The following SF3A1 variants were observed in gnomAD, a reference collection of about 807,000 sequenced individuals.
SF3A1 encodes the protein splicing factor 3a subunit 1, also known as SAP 114.
A neutral mutation model predicts 89.9 loss-of-function variants in SF3A1; 13 were observed. The ratio of observed to expected loss-of-function variants is 0.14; its 90% CI spans 0.09 to 0.23. SF3A1 has a LOEUF of 0.23. Among genes scored for constraint, SF3A1 ranks in the 10% least tolerant of loss-of-function variants. The probability of loss-of-function intolerance (pLI) is 1.00; values close to 1 mark genes in which losing one functional copy is unlikely to be tolerated. For missense variants in SF3A1, 604 were observed against 1,022.1 expected, an observed-to-expected ratio of 0.59 and a Z score of 5.58; for synonymous variants, 405 against 374.4, an observed-to-expected ratio of 1.08 and a Z score of -0.94.
chr22:30,335,727 C>A lies in SF3A1; in HGVS notation c.2133G>T (p.Val711=), dbSNP rs965043762. Residue 711 remains valine (V), a synonymous_variant, in exon 14 of 16, where the codon GTG becomes GTT. Coordinates refer to ENST00000215793, the MANE Select transcript of SF3A1 (RefSeq NM_005877.6). Reference sequence around the variant, plus strand: ...ATTCCGTCTTATCCTGCATGTTGGGCACCTGGACTTTGATGGACACTGGAC... The same window carrying A: ...ATTCCGTCTTATCCTGCATGTTGGGAACCTGGACTTTGATGGACACTGGAC... ...NKGPVSIKVQ[V]PNMQDKTEWK... 5 of 1,614,198 alleles carry A rather than the reference C, an allele frequency of 3.1e-6. No individual in the cohort carries two copies. The highest frequency in any genetic ancestry group is 3.4e-6 in the Non-Finnish European group (4 of 1,180,036).
chr22:30,355,290 C>T (rs552954969), intron 1 of SF3A1, among the ~76,000 whole-genome samples: 59 of 152,282 alleles, frequency 3.9e-4, no homozygotes, highest in African/African-American at 9.9e-4. Context: ...GAATTACAGG[C>T]GTGAGCCACT....
chr22:30,345,138 T>A lies in SF3A1; in HGVS notation c.446A>T (p.Glu149Val), dbSNP rs1335050161. 6.2e-7 allele frequency: 1 copy of A among 1,613,936 alleles called. No individual in the cohort carries two copies. Among genetic ancestry groups the A allele is most frequent in the Non-Finnish European group, 8.5e-7 (1 of 1,180,006 alleles). The change falls in exon 4 of 16, where the codon GAG becomes GTG. Residue 149 changes from glutamate (E) to valine (V), a missense_variant. This residue lies in a region of SF3A1 where 162 missense variants were observed against 229.2 expected (regional missense o/e 0.71). Coordinates refer to ENST00000215793, the MANE Select transcript of SF3A1 (RefSeq NM_005877.6). ...GGGAGGATCAGCAATGAACTCAAAC[T>A]CAGGAGGAGGCTCTTTGGGCACGAT... ...ETIVPKEPPP[E>V]FEFIADPPSI...
In SF3A1 at chr22:30,351,171, C is replaced by T. The variant is rs566467345; in HGVS notation, c.185+1780G>A. ...AAAATTACCTGGGCGTGGTGGCGCA[C>T]GCCTGTTGTCCCAGCTACTCGGGAG... On this transcript the variant is annotated intron_variant, in intron 2 of 15. Transcript: ENST00000215793. Among the ~76,000 whole-genome samples the T allele has an allele frequency of 1.4e-3, 206 of 152,200 alleles. 1 individual carries two copies. The highest frequency in any genetic ancestry group is 4.7e-3 in the African/African-American group (196 of 41,514).
chr22:30,352,115 G>A (rs993246359), intron 2 of SF3A1, among the ~76,000 whole-genome samples: 5 of 151,150 alleles, frequency 3.3e-5, no homozygotes, highest in Admixed American at 1.3e-4. Context: ...CTGAGGTGGC[G>A]GCTAGCACCT....
At chr22:30,340,903 T>C in intron 7 of SF3A1, 91 bp from the exon 8 acceptor site, 1 of 785,410 alleles carries the variant, frequency 1.3e-6, no homozygotes, top group Non-Finnish European at 2.1e-6. Flanking sequence ...GCAAGGAGCC[T>C]TGGCCTCTGC....
chr22:30,340,981 C>A (rs1488215996), intron 7 of SF3A1, among the ~76,000 whole-genome samples, 169 bp from the exon 8 acceptor site: 1 of 152,154 alleles, frequency 6.6e-6, no homozygotes, highest in Non-Finnish European at 1.5e-5. Context: ...CAAGCTGCTT[C>A]CTCACAGCAT....
chr22:30,337,979 C>T, intron 11 of SF3A1, 82 bp from the exon 12 acceptor site: 3 of 973,732 alleles, frequency 3.1e-6, no homozygotes, highest in Non-Finnish European at 4.9e-6. Context: ...TGGCTGCCTG[C>T]AGCTCTGAGG....
In SF3A1 at chr22:30,356,717, G is replaced by T. The variant is rs758570403; in HGVS notation, c.63+13C>A. 6.7e-7 allele frequency: 1 copy of T among 1,483,318 alleles called. No individual in the cohort carries two copies. The highest frequency in any genetic ancestry group is 9.0e-7 in the Non-Finnish European group (1 of 1,112,130). 91.9% of individuals were successfully genotyped at this position (1,483,318 alleles called of 1,614,324 possible). The stretch of plus-strand genomic sequence containing the variant: ...ACCCTCCGGCTGCAGGCTGAGGGGC[G>T]GGGGAGAGGTACCTGTTTGGGCTCC... On this transcript the variant is annotated intron_variant, in intron 1 of 15. Transcript: ENST00000215793.
At chr22:30,345,734 C>A (rs1461952632) in intron 3 of SF3A1, among the ~76,000 whole-genome samples, 1 of 152,184 alleles carries the variant, frequency 6.6e-6, no homozygotes, top group African/African-American at 2.4e-5. Context: ...GAGGGACTGC[C>A]TTTTCCACCA....
At chr22:30,339,499 A>C (rs1285151246) in intron 9 of SF3A1, among the ~76,000 whole-genome samples, 2 of 152,172 alleles carry the variant, frequency 1.3e-5, no homozygotes, top group Non-Finnish European at 2.9e-5. Flanking sequence ...CATGCTTGTA[A>C]TCCCAGCACT....
At chr22:30,335,853 A>G (rs1601689583) in intron 13 of SF3A1, 100 bp from the exon 14 acceptor site, 1 of 973,882 alleles carries the variant, frequency 1.0e-6, no homozygotes. Flanking sequence ...TCACCTGTGC[A>G]TCTGGGCTCC....
At chr22:30,354,624 T>C (rs1030911262) in intron 1 of SF3A1, among the ~76,000 whole-genome samples, 2 of 152,222 alleles carry the variant, frequency 1.3e-5, no homozygotes, top group African/African-American at 2.4e-5. Flanking sequence ...AGAACACTCT[T>C]GTGTACTAAA....
intron 4 of SF3A1, among the ~76,000 whole-genome samples, chr22:30,343,235 A>G (rs1451804493): frequency 6.6e-6 from 1 of 152,120 alleles, no homozygotes; most frequent in East Asian, 1.9e-4. Context: ...AACACTACGC[A>G]GGTCCCCCCT....
intron 2 of SF3A1, among the ~76,000 whole-genome samples, chr22:30,350,303 C>A (rs5753084): frequency 7.6e-5 from 8 of 105,462 alleles, no homozygotes; most frequent in Admixed American, 1.9e-4. Flanking sequence ...TACAAAAAAA[C>A]TAAAAAAAAT....
intron 4 of SF3A1, among the ~76,000 whole-genome samples, chr22:30,343,696 A>T (rs1931334016): frequency 6.6e-6 from 1 of 152,240 alleles, no homozygotes; most frequent in African/African-American, 2.4e-5. Context: ...TGGGACCTTT[A>T]ACCCTGGAAG....
chr22:30,348,190 G>A (rs902136937), intron 2 of SF3A1, among the ~76,000 whole-genome samples: 1 of 152,226 alleles, frequency 6.6e-6, no homozygotes. Flanking sequence ...GCTAGGAGGG[G>A]TTGTTCCATA....
At chr22:30,349,233 G>A (rs1931511313) in intron 2 of SF3A1, among the ~76,000 whole-genome samples, 1 of 152,158 alleles carries the variant, frequency 6.6e-6, no homozygotes, top group Admixed American at 6.5e-5. Context: ...GCTTTAACTC[G>A]GATATTGGTC....
intron 12 of SF3A1, among the ~76,000 whole-genome samples, chr22:30,337,475 G>C (rs568129526): frequency 1.8e-4 from 27 of 152,178 alleles, no homozygotes; most frequent in Non-Finnish European, 3.4e-4. Context: ...TGAATGCACA[G>C]ACACTGGCTA....
chr22:30,341,860 T>C lies in SF3A1; in HGVS notation c.903A>G (p.Pro301=). The C allele has an allele frequency of 5.0e-6, 8 of 1,613,468 alleles. No individual in the cohort carries two copies. The highest frequency in any genetic ancestry group is 6.8e-6 in the Non-Finnish European group (8 of 1,179,976). ...TGAGGATTCGGGCCCCCAGCTCCTC[T>C]GGCGTGGTGGGGGGAGGGAAGTTCC... The part of the protein sequence containing the change: ...EQGNFPPPTT[P]EELGARILIQ... Residue 301 remains proline (P), a synonymous_variant, in exon 7 of 16, where the codon CCA becomes CCG. Transcript: ENST00000215793.
Sources: allele counts gnomAD v4.1 joint callset (sites outside exome capture counted in the v4.1 genomes callset), GRCh38; gene constraint gnomAD v4.1.1; regional missense constraint gnomAD v4.1.1; transcripts MANE v1.5; gene names NCBI Gene and HGNC (gene_info 2026-07-23, HGNC 2026-07-21).